PCCB: variants seen among roughly 807,000 people sequenced by gnomAD.
PCCB encodes the protein propionyl-CoA carboxylase subunit beta.
PCCB carries 43 observed loss-of-function variants against 60.7 expected under a neutral mutation model. The observed-to-expected ratio is 0.71, with a 90% CI of 0.55 to 0.91. PCCB has a LOEUF of 0.91. PCCB is among the 40% of genes least tolerant of loss of function. The pLI is 0.00. For synonymous variants in PCCB, 276 were observed against 255.9 expected (o/e 1.08, Z -0.75); for missense variants, 766 against 702.8 (o/e 1.09, Z -1.02).
At chr3:136,292,780 A>G (rs1576334099) in intron 6 of PCCB, among the ~76,000 whole-genome samples, 1 of 152,196 alleles carries the variant, frequency 6.6e-6, no homozygotes, top group Admixed American at 6.5e-5. Context: ...GGGCAAATAT[A>G]TATATAAATG....
intron 1 of PCCB, chr3:136,251,281 C>T (rs993922244): frequency 8.8e-6 from 4 of 456,520 alleles, no homozygotes; most frequent in African/African-American, 6.0e-5. Flanking sequence ...CTGGGCGGCC[C>T]ATTTTGGAGA....
rs137922565 is a variant in PCCB at position 136,315,941 on chromosome 3, C to T, written c.967-1000C>T. 2.0e-3 allele frequency among the ~76,000 whole-genome samples: 295 copies of T among 149,900 alleles called. 1 individual carries two copies. Among genetic ancestry groups the T allele is most frequent in the Non-Finnish European group, 3.5e-3 (237 of 67,426 alleles). ...TATATATAAAAGAGAGAGTGATGGT[C>T]GGGCACAGTGGCTCACGCCTGTAAT... On this transcript the variant is annotated intron_variant, in intron 9 of 14. Coordinates refer to ENST00000251654, the MANE Select transcript of PCCB (RefSeq NM_000532.5).
chr3:136,268,136 A>ATATATATATATATATC (rs1553775786), intron 5 of PCCB, among the ~76,000 whole-genome samples: 1 of 128,590 alleles, frequency 7.8e-6, no homozygotes, highest in Non-Finnish European at 1.6e-5. Flanking sequence ...ATATATATAT[A>ATATATATATATATATC]TATATCTACA....
At chr3:136,283,507 G>A (rs1309211694) in intron 5 of PCCB, among the ~76,000 whole-genome samples, 1 of 151,366 alleles carries the variant, frequency 6.6e-6, no homozygotes, top group East Asian at 1.9e-4. Flanking sequence ...TTGCACAGAT[G>A]GGGGGCTTTG....
At chr3:136,318,826 CTGGGTTATTTCCACCTTTGGG>C (rs1935007065) in intron 10 of PCCB, among the ~76,000 whole-genome samples, 1 of 152,178 alleles carries the variant, frequency 6.6e-6, no homozygotes, top group South Asian at 2.1e-4. Flanking sequence ...CAGTGGACAC[CTGGGTTATTTCCACCTTTGGG>C]TTACTGTGAA....
In PCCB at chr3:136,269,447, T is replaced by C. The variant is rs543259376; in HGVS notation, c.543+7382T>C. ...GTGTGTGTGTATGTGTGTATTTCTTTGGATTTTCTATATACACAATCATGT... is the reference window on the plus strand; with the variant it reads ...GTGTGTGTGTATGTGTGTATTTCTTCGGATTTTCTATATACACAATCATGT... On this transcript the variant is annotated intron_variant, in intron 5 of 14. Transcript: ENST00000251654. Among the ~76,000 whole-genome samples, 7 of 152,284 alleles carry C rather than the reference T, an allele frequency of 4.6e-5. No individual in the cohort carries two copies. The East Asian group carries it at 1.4e-3, about 29-fold the overall frequency.
chr3:136,256,845 A>G (rs1428884801), intron 3 of PCCB, among the ~76,000 whole-genome samples: 1 of 152,206 alleles, frequency 6.6e-6, no homozygotes, highest in African/African-American at 2.4e-5. Flanking sequence ...CTAGCCTTGT[A>G]CAAAGGTATC....
Position 136,298,158 on chromosome 3 carries a change from G to GT in PCCB, c.884+88dup, listed in dbSNP as rs554485294. ...TGACAGGACCCCCAGGGTCTGCCTT[G>GT]TTGGGCAAGTTGCAGCAGAGTGTGG... On this transcript the variant is annotated intron_variant, in intron 8 of 14. Transcript: ENST00000251654. 3,985 of 1,558,382 alleles carry GT rather than the reference G, an allele frequency of 2.6e-3. 11 individuals carry two copies. The highest frequency in any genetic ancestry group is 3.3e-3 in the Non-Finnish European group (3,770 of 1,134,994).
intron 5 of PCCB, among the ~76,000 whole-genome samples, chr3:136,269,018 C>G (rs558604546): frequency 1.3e-5 from 2 of 152,178 alleles, no homozygotes; most frequent in Non-Finnish European, 2.9e-5. Context: ...CAGTGGCTCA[C>G]GCCTGTAATC....
rs1464172823 is a variant in PCCB, at chr3:136,250,360, C to T, written c.-16C>T. On this transcript the variant is annotated 5_prime_UTR_variant, in exon 1 of 15. Transcript: ENST00000251654. Reference sequence around the variant, plus strand: ...TACTCAGGTGCGCCGGTAGGGGACGCGCCGGCACAGCAAAAATGGCGGCGG... The same window carrying T: ...TACTCAGGTGCGCCGGTAGGGGACGTGCCGGCACAGCAAAAATGGCGGCGG... 2 of 1,505,700 alleles carry T rather than the reference C, an allele frequency of 1.3e-6. No individual in the cohort carries two copies. The highest frequency in any genetic ancestry group is 8.9e-7 in the Non-Finnish European group (1 of 1,122,268). The allele number at this position is 1,505,700 out of a possible 1,614,324, so 93.3% of individuals were successfully genotyped here.
At chr3:136,297,508 A>G (rs1422841168) in intron 7 of PCCB, among the ~76,000 whole-genome samples, 2 of 152,128 alleles carry the variant, frequency 1.3e-5, no homozygotes, top group Non-Finnish European at 2.9e-5. Flanking sequence ...CCTGTTTGCC[A>G]GGTACATTAT....
intron 1 of PCCB, among the ~76,000 whole-genome samples, chr3:136,253,727 G>A (rs1325463802): frequency 6.7e-6 from 1 of 149,412 alleles, no homozygotes; most frequent in Non-Finnish European, 1.5e-5. Context: ...CTGGAGGGCA[G>A]TGGTGTAATC....
At chr3:136,295,839 T>G (rs1484063798) in intron 7 of PCCB, among the ~76,000 whole-genome samples, 1 of 152,176 alleles carries the variant, frequency 6.6e-6, no homozygotes, top group Non-Finnish European at 1.5e-5. Context: ...CCTGAGTTTT[T>G]TTTTTTTTTT....
Position 136,326,866 on chromosome 3 carries a change from A to T in PCCB, c.1154A>T (p.Asn385Ile). 6.2e-7 allele frequency: 1 copy of T among 1,613,332 alleles called. No individual in the cohort carries two copies. Among genetic ancestry groups the T allele is most frequent in the Non-Finnish European group, 8.5e-7 (1 of 1,179,266 alleles). The change falls in exon 11 of 15, where the codon AAT (asparagine) becomes ATT (isoleucine). Residue 385 changes from asparagine (N) to isoleucine (I), a missense_variant. Transcript: ENST00000251654. ...ARFVRFCDAFNIPLITFVDVP... is the reference protein window; with the variant it reads ...ARFVRFCDAFIIPLITFVDVP... ...TTTGTCAGATTCTGTGATGCATTCA[A>T]TATTCCACTCATCACTTTTGTTGAT...
chr3:136,299,999 T>C (rs980281748), intron 8 of PCCB, among the ~76,000 whole-genome samples: 1 of 151,710 alleles, frequency 6.6e-6, no homozygotes, highest in East Asian at 1.9e-4. Flanking sequence ...TATATATGCA[T>C]ACCCACACAT....
At chr3:136,320,180 G>A (rs1157820331) in intron 10 of PCCB, among the ~76,000 whole-genome samples, 1 of 152,100 alleles carries the variant, frequency 6.6e-6, no homozygotes, top group Non-Finnish European at 1.5e-5. Flanking sequence ...GGCATTTGGG[G>A]CCCTTTTAAA....
In PCCB at chr3:136,268,090, A is replaced by ATATATATATATATATATG. The variant is rs1560002378; in HGVS notation, c.543+6042_543+6043insGTATATATATATATATAT. 2.0e-4 allele frequency among the ~76,000 whole-genome samples: 12 copies of ATATATATATATATATATG among 59,896 alleles called. No homozygotes were observed. The East Asian group carries it at 4.0e-3, about 20-fold the overall frequency. The allele number at this position is 59,896 out of a possible 152,430, so 39.3% of individuals were successfully genotyped here. On this transcript the variant is annotated intron_variant, in intron 5 of 14. Transcript: ENST00000251654. ...CGTGTGTGTGTGTGTGTGTGTAGAT[A>ATATATATATATATATATG]TATATATATATATATATATATATAT...
At chr3:136,259,168 T>A in intron 3 of PCCB, 1 of 1,464,478 alleles carries the variant, frequency 6.8e-7, no homozygotes, top group Admixed American at 2.3e-5. Context: ...CCTTTCTTTT[T>A]AAAACAGCAA....
Position 136,329,940 on chromosome 3 carries a change from C to A in PCCB, c.1534C>A (p.Arg512Ser), listed in dbSNP as rs186710233. Residue 512 changes from arginine (R) to serine (S), a missense_variant, in exon 15 of 15, where the codon CGT becomes AGT. Coordinates refer to ENST00000251654, the MANE Select transcript of PCCB (RefSeq NM_000532.5). ...VDDIIQPSST[R>S]ARICCDLDVL... ...TGACATCATCCAACCTTCTTCCACA[C>A]GTGCCCGAATCTGCTGTGACCTGGA... The A allele has an allele frequency of 2.5e-6, 4 of 1,614,038 alleles. No homozygotes were observed. The highest frequency in any genetic ancestry group is 1.7e-6 in the Non-Finnish European group (2 of 1,180,014).
Sources: gnomAD v4.1 joint callset for allele counts (sites outside exome capture counted in the v4.1 genomes callset) on GRCh38, gnomAD v4.1.1 for gene constraint, MANE v1.5 for transcripts, NCBI Gene and HGNC (gene_info 2026-07-23, HGNC 2026-07-21) for gene names.